SOX13: variants seen among roughly 807,000 people sequenced by gnomAD.
The protein encoded by SOX13 is SRY-box transcription factor 13.
Under a neutral mutation model 71.8 loss-of-function variants are expected in SOX13, and 28 were observed. That is an observed-to-expected ratio of 0.39 (90% CI 0.29 to 0.53). The LOEUF (loss-of-function observed/expected upper bound fraction) is 0.53, where lower values mean the gene tolerates loss of function less well. Among genes scored for constraint, SOX13 ranks in the 20% least tolerant of loss-of-function variants. The pLI is 0.70. For synonymous variants in SOX13, 309 were observed against 317.8 expected (o/e 0.97, Z 0.29); for missense variants, 627 against 810.3 (o/e 0.77, Z 2.75).
At chr1:204,098,981 T>A (rs890181610) in intron 1 of SOX13, among the ~76,000 whole-genome samples, 5 of 152,314 alleles carry the variant, frequency 3.3e-5, no homozygotes, top group Middle Eastern at 3.4e-3. Context: ...CCAGGTTGAC[T>A]ATTACTTCCC....
In SOX13 at chr1:204,082,382, G is replaced by T. The variant is rs116744231; in HGVS notation, c.-2+8671G>T. Among the ~76,000 whole-genome samples the T allele has an allele frequency of 3.2e-3, 493 of 152,200 alleles. 4 individuals carry two copies. Among genetic ancestry groups the T allele is most frequent in the African/African-American group, 0.012 (478 of 41,518 alleles). On this transcript the variant is annotated intron_variant, in intron 1 of 13. Transcript: ENST00000367204. The stretch of plus-strand genomic sequence containing the variant: ...GAGACAGTGAGGACATTAGACGGAT[G>T]TCAAGAAGGAAGGGAGAGTAGAATG...
At chr1:204,124,527 ATATAT>A in intron 12 of SOX13, 109 bp from the exon 13 acceptor site, 1 of 821,566 alleles carries the variant, frequency 1.2e-6, no homozygotes, top group Non-Finnish European at 2.0e-6. Context: ...GTGCTTGCAC[ATATAT>A]TATCTTATGG....
At chr1:204,119,597 G>C (rs11240671) in intron 7 of SOX13, 46,045 of 151,994 alleles carry the variant, frequency 0.3, 7,412 homozygotes, top group East Asian at 0.58. Flanking sequence ...TTCTGCCCCA[G>C]ACTCTCCCCA....
chr1:204,098,414 A>G (rs182625277), intron 1 of SOX13, among the ~76,000 whole-genome samples: 1 of 152,090 alleles, frequency 6.6e-6, no homozygotes, highest in Admixed American at 6.5e-5. Context: ...GAGGCAGAGA[A>G]GTTGTAGTGA....
Position 204,109,816 on chromosome 1 carries a change from GTTA to G in SOX13, c.-1-3088_-1-3086del, listed in dbSNP as rs532252954. ...CCGTATACCTTGTTTTTTATTTATTGTTATTATTATTATCATTATTATTATTTT... is the reference window on the plus strand; with the variant it reads ...CCGTATACCTTGTTTTTTATTTATTGTTATTATTATCATTATTATTATTTT... On this transcript the variant is annotated intron_variant, in intron 1 of 13. Coordinates refer to ENST00000367204, the MANE Select transcript of SOX13 (RefSeq NM_005686.3). 4.3e-3 allele frequency among the ~76,000 whole-genome samples: 648 copies of G among 151,922 alleles called. 5 individuals carry two copies. The highest frequency in any genetic ancestry group is 0.015 in the African/African-American group (601 of 41,408).
Position 204,123,292 on chromosome 1 carries a change from T to G in SOX13, c.1231+84T>G, listed in dbSNP as rs16852916. 1.3e-3 allele frequency: 1,409 copies of G among 1,116,916 alleles called. 9 individuals are homozygous for G. The African/African-American group carries it at 0.015, about 12-fold the overall frequency. 69.2% of individuals were successfully genotyped at this position (1,116,916 alleles called of 1,614,324 possible). On this transcript the variant is annotated intron_variant, in intron 11 of 13. Coordinates refer to ENST00000367204, the MANE Select transcript of SOX13 (RefSeq NM_005686.3). This position sits in a 1 kb window ranked among gnomAD's most constrained non-coding sequence, Gnocchi z 5.0. Reference sequence around the variant, plus strand: ...GCCAGGGCTGTGTCTGCCTCTGATCTCTTCCCTCCCTTGGTCTGTTGGGTC... The same window carrying G: ...GCCAGGGCTGTGTCTGCCTCTGATCGCTTCCCTCCCTTGGTCTGTTGGGTC...
chr1:204,092,427 C>T (rs1656166481), intron 1 of SOX13, among the ~76,000 whole-genome samples: 1 of 152,156 alleles, frequency 6.6e-6, no homozygotes, highest in South Asian at 2.1e-4. Flanking sequence ...AGCAGTCCTC[C>T]TGACTTGGCC....
At chr1:204,112,842 C>T (rs1656613482) in intron 1 of SOX13, 73 bp from the exon 2 acceptor site, 4 of 1,318,104 alleles carry the variant, frequency 3.0e-6, no homozygotes, top group Admixed American at 2.1e-5. Context: ...GGGGAGCAAA[C>T]AGTAGGGTCA....
At chr1:204,104,337 G>C (rs1228555051) in intron 1 of SOX13, among the ~76,000 whole-genome samples, 1 of 152,196 alleles carries the variant, frequency 6.6e-6, no homozygotes, top group Non-Finnish European at 1.5e-5. Flanking sequence ...GGCTGGAAAG[G>C]GTGAGAGGGA....
chr1:204,125,959 G>A lies in SOX13; in HGVS notation c.1694G>A (p.Arg565His), dbSNP rs776726670. The change falls in exon 14 of 14, where the codon CGT becomes CAT. Residue 565 changes from arginine (R) to histidine (H), a missense_variant. Arg to His is a conservative substitution (Grantham distance 29, BLOSUM62 0). Coordinates refer to ENST00000367204, the MANE Select transcript of SOX13 (RefSeq NM_005686.3). ...AQPLVEHYVP[R>H]SLDPNMPVIV... ...CCACTGGTGGAGCACTATGTCCCTC[G>A]TAGCCTGGACCCCAACATGCCTGTG... 5.6e-6 allele frequency: 9 copies of A among 1,613,872 alleles called. No homozygotes were observed. Among genetic ancestry groups the A allele is most frequent in the South Asian group, 3.3e-5 (3 of 91,070 alleles).
At chr1:204,103,810 G>A (rs1011740568) in intron 1 of SOX13, among the ~76,000 whole-genome samples, 1 of 152,218 alleles carries the variant, frequency 6.6e-6, no homozygotes, top group Non-Finnish European at 1.5e-5. Flanking sequence ...CCTGGAGACA[G>A]GCTTGGGTTC....
chr1:204,077,579 T>A (rs774577095), intron 1 of SOX13, among the ~76,000 whole-genome samples: 7 of 151,858 alleles, frequency 4.6e-5, no homozygotes, highest in Non-Finnish European at 1.0e-4. Flanking sequence ...AGTGAAAAAA[T>A]CAGGATATAA....
Position 204,125,900 on chromosome 1 carries a change from G to A in SOX13, c.1635G>A (p.Leu545=). 1 of 1,612,922 alleles carries A rather than the reference G, an allele frequency of 6.2e-7. No homozygotes were observed. Among genetic ancestry groups the A allele is most frequent in the Non-Finnish European group, 8.5e-7 (1 of 1,179,688 alleles). Residue 545 remains leucine, a synonymous_variant, in exon 14 of 14, where the codon CTG becomes CTA. Coordinates refer to ENST00000367204, the MANE Select transcript of SOX13 (RefSeq NM_005686.3). ...TGCAGATGAGCTCCTCAGATGTCCT[G>A]TACCCTCGGGCAGCAGGCATGCCGC... is the stretch of plus-strand genomic sequence containing the variant. ...GQVQMSSSDV[L]YPRAAGMPLA...
intron 1 of SOX13, among the ~76,000 whole-genome samples, chr1:204,086,071 T>C (rs1656012197): frequency 6.6e-6 from 1 of 152,100 alleles, no homozygotes; most frequent in Non-Finnish European, 1.5e-5. Flanking sequence ...AGTATGAGTA[T>C]GTGTCCTAAG....
chr1:204,123,061 G>C lies in SOX13; in HGVS notation c.1135-51G>C. 1 of 1,534,370 alleles carries C rather than the reference G, an allele frequency of 6.5e-7. No homozygotes were observed. Among genetic ancestry groups the C allele is most frequent in the Non-Finnish European group, 9.0e-7 (1 of 1,108,790 alleles). On this transcript the variant is annotated intron_variant, in intron 10 of 13. Coordinates refer to ENST00000367204, the MANE Select transcript of SOX13 (RefSeq NM_005686.3). This position sits in a 1 kb window ranked among gnomAD's most constrained non-coding sequence, Gnocchi z 5.0. ...GCCACCAAGAGAGGAGCATGGGGAG[G>C]AGTGGGGTGATGCAGAGGAGGCTGA...
At chr1:204,091,805 A>G (rs1571571672) in intron 1 of SOX13, among the ~76,000 whole-genome samples, 1 of 150,014 alleles carries the variant, frequency 6.7e-6, no homozygotes, top group African/African-American at 2.5e-5. Context: ...CTGGTCTTGA[A>G]CTCCTGAGCT....
Position 204,123,569 on chromosome 1 carries a change from G to C in SOX13, c.1232-92G>C. 1 of 1,415,484 alleles carries C rather than the reference G, an allele frequency of 7.1e-7. No individual in the cohort carries two copies. Among genetic ancestry groups the C allele is most frequent in the Admixed American group, 2.1e-5 (1 of 47,950 alleles). The allele number at this position is 1,415,484 out of a possible 1,614,324, so 87.7% of individuals were successfully genotyped here. A position where few individuals can be genotyped will look rare whatever the true frequency, so the allele number is the denominator to read the frequency against. ...TGTGGGAGCCTCCTCAGTGCCTCCT[G>C]CTGGTCAAGTAGGGGACGTCTCTCT... On this transcript the variant is annotated intron_variant, in intron 11 of 13. Transcript: ENST00000367204. The surrounding 1 kb of genome is among the most constrained non-coding windows in gnomAD (Gnocchi z 5.0).
intron 1 of SOX13, among the ~76,000 whole-genome samples, chr1:204,108,060 G>A (rs1049608214): frequency 6.6e-6 from 1 of 152,170 alleles, no homozygotes; most frequent in Non-Finnish European, 1.5e-5. Flanking sequence ...AGTGTGTGTA[G>A]AAGCTCAAAG....
Position 204,123,910 on chromosome 1 carries a change from A to G in SOX13, c.1375+106A>G. On this transcript the variant is annotated intron_variant, in intron 12 of 13. Transcript: ENST00000367204. The surrounding 1 kb of genome is among the most constrained non-coding windows in gnomAD (Gnocchi z 5.0). The stretch of plus-strand genomic sequence containing the variant: ...GATATTCCATACTGTGTTGGACTCC[A>G]GTGGAATCTGACGACAGGGGTGCAG... The G allele has an allele frequency of 7.6e-7, 1 of 1,313,572 alleles. No individual in the cohort carries two copies. The highest frequency in any genetic ancestry group is 2.1e-5 in the Admixed American group (1 of 47,914). The allele number at this position is 1,313,572 out of a possible 1,614,324, so 81.4% of individuals were successfully genotyped here. A position where few individuals can be genotyped will look rare whatever the true frequency, so the allele number is the denominator to read the frequency against.
Sources: allele counts gnomAD v4.1 joint callset (sites outside exome capture counted in the v4.1 genomes callset), GRCh38; gene constraint gnomAD v4.1.1; non-coding constraint Gnocchi (gnomAD v3.1); transcripts MANE v1.5; gene names NCBI Gene and HGNC (gene_info 2026-07-23, HGNC 2026-07-21).